The following EXD3 variants were observed in gnomAD, a reference collection of about 807,000 sequenced individuals.
EXD3 encodes the protein exonuclease mut-7 homolog.
A neutral mutation model predicts 98.0 loss-of-function variants in EXD3; 92 were observed. That is an observed-to-expected ratio of 0.94 (90% CI 0.79 to 1.12). The LOEUF is 1.12. EXD3 is among the 50% of genes most tolerant of loss of function. The pLI is 0.00. For synonymous variants in EXD3, 569 were observed against 526.0 expected, an observed-to-expected ratio of 1.08 and a Z score of -1.12; for missense variants, 1,222 against 1,191.6, an observed-to-expected ratio of 1.03 and a Z score of -0.38.
intron 1 of EXD3, among the ~76,000 whole-genome samples, chr9:137,411,706 T>G (rs1448893246): frequency 1.5e-3 from 14 of 9,046 alleles, no homozygotes; most frequent in South Asian, 5.4e-3. Flanking sequence ...TGGGGGAGGT[T>G]GGGGGGAGGG....
chr9:137,364,890 T>A (rs1292327882), intron 7 of EXD3, among the ~76,000 whole-genome samples: 1 of 150,052 alleles, frequency 6.7e-6, no homozygotes, highest in African/African-American at 2.4e-5. Flanking sequence ...TGCTTCAGCC[T>A]CCCGAGTAGC....
intron 1 of EXD3, among the ~76,000 whole-genome samples, chr9:137,400,029 C>CA (rs36029399): frequency 0.013 from 920 of 72,824 alleles, 18 homozygotes; most frequent in African/African-American, 0.04. Flanking sequence ...AACTCCATCT[C>CA]AAAAAAAAAA....
At position 137,366,520 on chromosome 9, in the gene EXD3, G is replaced by A. The variant is rs776994043; in HGVS notation, c.629C>T (p.Pro210Leu). The A allele has an allele frequency of 6.4e-7, 1 of 1,551,012 alleles. No individual in the cohort carries two copies. The highest frequency in any genetic ancestry group is 1.2e-5 in the South Asian group (1 of 84,076). ...LLVLMDSWCQPGFDIKDVARR... is the reference protein window; with the variant it reads ...LLVLMDSWCQLGFDIKDVARR... ...GGCAACGTCCTTGATGTCAAAGCCG[G>A]GCTGGCACCAGGAATCCATGAGGAC... Residue 210 changes from proline to leucine, a missense_variant, in exon 7 of 22, where the codon CCC (proline) becomes CTC (leucine). Physicochemically the swap from Pro to Leu is moderately conservative, Grantham distance 98. Transcript: ENST00000340951.
In EXD3 at chr9:137,393,800, C is replaced by A. The variant is rs118152345; in HGVS notation, c.55+1503G>T. On this transcript the variant is annotated intron_variant, in intron 2 of 21. Coordinates refer to ENST00000340951, the MANE Select transcript of EXD3 (RefSeq NM_017820.5). This position sits in a 1 kb window ranked among gnomAD's most constrained non-coding sequence, Gnocchi z 4.6. ...AGGGCATGTGTAGGGTGGAACTGGG[C>A]AAAGGCCAGGGGGCGGTGAGTGAAA... Among the ~76,000 whole-genome samples, 2 of 152,238 alleles carry A rather than the reference C, an allele frequency of 1.3e-5. No individual in the cohort carries two copies. Among genetic ancestry groups the A allele is most frequent in the Non-Finnish European group, 2.9e-5 (2 of 67,992 alleles).
intron 17 of EXD3, among the ~76,000 whole-genome samples, chr9:137,331,540 T>C (rs909156569): frequency 1.3e-5 from 2 of 152,172 alleles, no homozygotes; most frequent in Non-Finnish European, 2.9e-5. Flanking sequence ...ACTCCTCGAT[T>C]TGACAAATGG....
intron 17 of EXD3, chr9:137,345,671 A>AAAAAAAAAAAAAAAAAAAAAAAAAG (rs1554807528): frequency 1.3e-5 from 2 of 151,040 alleles, no homozygotes; most frequent in African/African-American, 4.9e-5. Flanking sequence ...CAAAAAAAAA[A>AAAAAAAAAAAAAAAAAAAAAAAAAG]AAAAGGAAAG....
At chr9:137,368,972 G>A (rs1462303411) in intron 5 of EXD3, among the ~76,000 whole-genome samples, 1 of 145,710 alleles carries the variant, frequency 6.9e-6, no homozygotes, top group Admixed American at 6.8e-5. Context: ...CAGGGCCGGG[G>A]GACGGGGTGC....
chr9:137,308,459 T>C (rs1831170608), intron 20 of EXD3, among the ~76,000 whole-genome samples: 1 of 151,932 alleles, frequency 6.6e-6, no homozygotes, highest in Non-Finnish European at 1.5e-5. Flanking sequence ...TGTTGCCCAC[T>C]ACCCTCGGGT....
Position 137,349,268 on chromosome 9 carries a change from A to G in EXD3, c.1672T>C (p.Cys558Arg). 6.4e-7 allele frequency: 1 copy of G among 1,568,024 alleles called. No individual in the cohort carries two copies. The highest frequency in any genetic ancestry group is 8.6e-7 in the Non-Finnish European group (1 of 1,163,598). ...AGGGCTTGGTGCACCTCCAGCAGGC[A>G]GTAGGCGTCGGCAGCTGTGTGGGGA... ...QVIYAAADAYCLLEVHQALCR... is the reference protein window; with the variant it reads ...QVIYAAADAYRLLEVHQALCR... The change falls in exon 16 of 22, where the codon TGC becomes CGC. Residue 558 changes from cysteine to arginine, a missense_variant. Cys to Arg is a radical substitution (Grantham distance 180). Transcript: ENST00000340951. The surrounding 1 kb of genome is among the most constrained non-coding windows in gnomAD (Gnocchi z 7.4).
intron 17 of EXD3, among the ~76,000 whole-genome samples, chr9:137,330,075 A>G (rs115879067): frequency 0.09 from 10,576 of 117,960 alleles, 1,354 homozygotes; most frequent in African/African-American, 0.2. Context: ...CTACACAGGA[A>G]CTACACAGGA....
chr9:137,395,255 T>G lies in EXD3; in HGVS notation c.55+48A>C. The G allele has an allele frequency of 4.5e-5, 60 of 1,321,320 alleles. No individual in the cohort carries two copies. Among genetic ancestry groups the G allele is most frequent in the Non-Finnish European group, 6.2e-5 (57 of 919,518 alleles). 81.8% of individuals were successfully genotyped at this position (1,321,320 alleles called of 1,614,324 possible). ...CACCCCCCATGCACACCCACGCACC[T>G]CCCCCCACAGCCCCAGGGAGACTCG... On this transcript the variant is annotated intron_variant, in intron 2 of 21. Coordinates refer to ENST00000340951, the MANE Select transcript of EXD3 (RefSeq NM_017820.5). The surrounding 1 kb of genome is among the most constrained non-coding windows in gnomAD (Gnocchi z 6.5).
chr9:137,358,102 G>T lies in EXD3; in HGVS notation c.657-1734C>A, dbSNP rs78242597. The stretch of plus-strand genomic sequence containing the variant: ...CAGACACACCCAGGATCAATACTTT[G>T]CATCTGTCCATCCAATCCAGTTCAC... On this transcript the variant is annotated intron_variant, in intron 7 of 21. Transcript: ENST00000340951. 1.2e-3 allele frequency among the ~76,000 whole-genome samples: 178 copies of T among 152,264 alleles called. 1 individual carries two copies. In the East Asian group the frequency reaches 0.032, roughly 27 times the overall value.
intron 1 of EXD3, among the ~76,000 whole-genome samples, chr9:137,415,782 T>C (rs1205037276): frequency 6.6e-6 from 1 of 152,134 alleles, no homozygotes; most frequent in Non-Finnish European, 1.5e-5. Flanking sequence ...CAAGGTAGAA[T>C]CTGATGAATG....
chr9:137,359,057 C>CAAGGCCAAGGCGGACGGA (rs1588345582), intron 7 of EXD3, among the ~76,000 whole-genome samples: 1 of 96,158 alleles, frequency 1.0e-5, no homozygotes, highest in Non-Finnish European at 2.5e-5. Flanking sequence ...TGCCATTCTC[C>CAAGGCCAAGGCGGACGGA]TGCCTCAGCC....
At chr9:137,307,331 G>C in intron 21 of EXD3, 68 bp from the exon 22 acceptor site, 4 of 1,439,024 alleles carry the variant, frequency 2.8e-6, no homozygotes, top group Non-Finnish European at 3.6e-6. Flanking sequence ...TGCTCCCAGA[G>C]TGGTGCAGTT....
chr9:137,332,144 G>A (rs995828709), intron 17 of EXD3, among the ~76,000 whole-genome samples: 1 of 152,108 alleles, frequency 6.6e-6, no homozygotes, highest in African/African-American at 2.4e-5. Flanking sequence ...AATCGATATT[G>A]TGAAATAACC....
At chr9:137,327,081 C>G (rs1357814195) in intron 17 of EXD3, among the ~76,000 whole-genome samples, 2 of 151,488 alleles carry the variant, frequency 1.3e-5, no homozygotes, top group Non-Finnish European at 2.9e-5. Context: ...GAAAGTGGAA[C>G]AGTGGCCACC....
At chr9:137,322,692 GACCCCCA>G (rs1179106606) in intron 19 of EXD3, among the ~76,000 whole-genome samples, 1 of 120,382 alleles carries the variant, frequency 8.3e-6, no homozygotes, top group Non-Finnish European at 1.7e-5. Flanking sequence ...CCCCACCCCG[GACCCCCA>G]AGAGATTCTC....
chr9:137,405,814 C>T lies in EXD3; in HGVS notation c.-47-10410G>A, dbSNP rs1837687154. On this transcript the variant is annotated intron_variant, in intron 1 of 21. Transcript: ENST00000340951. The surrounding 1 kb of genome is among the most constrained non-coding windows in gnomAD (Gnocchi z 4.1). Reference sequence around the variant, plus strand: ...GTGGGTACCATGCACATGGTCTCCCCGCCCTGCCTACCATCTGCTGCCCTG... The same window carrying T: ...GTGGGTACCATGCACATGGTCTCCCTGCCCTGCCTACCATCTGCTGCCCTG... Among the ~76,000 whole-genome samples, 4 of 152,246 alleles carry T rather than the reference C, an allele frequency of 2.6e-5. No individual in the cohort carries two copies. In the South Asian group the frequency reaches 6.2e-4, roughly 24 times the overall value.
Sources: allele counts gnomAD v4.1 joint callset (sites outside exome capture counted in the v4.1 genomes callset), GRCh38; gene constraint gnomAD v4.1.1; non-coding constraint Gnocchi (gnomAD v3.1); transcripts MANE v1.5; gene names NCBI Gene and HGNC (gene_info 2026-07-23, HGNC 2026-07-21).